Variants in DLG2 observed in about 807,000 individuals in gnomAD.
DLG2 encodes the protein discs large MAGUK scaffold protein 2.
Under a neutral mutation model 132.5 loss-of-function variants are expected in DLG2, and 45 were observed. That is an observed-to-expected ratio of 0.34 (90% confidence interval 0.27 to 0.44). The LOEUF (loss-of-function observed/expected upper bound fraction) is 0.44. Among genes scored for constraint, DLG2 ranks in the 20% least tolerant of loss-of-function variants. The pLI is 1.00. For missense variants in DLG2, 1,045 were observed against 1,196.9 expected (o/e 0.87, Z 1.87); for synonymous variants, 424 against 419.6 (o/e 1.01, Z -0.13).
chr11:83,695,017 T>C (rs2081636784), intron 18 of DLG2, among the ~76,000 whole-genome samples: 1 of 152,232 alleles, frequency 6.6e-6, no homozygotes, highest in African/African-American at 2.4e-5. Context: ...TGCTACGAAA[T>C]ATTTGTTCAC....
At chr11:83,647,176 G>A (rs906551940) in intron 18 of DLG2, 3 of 150,032 alleles carry the variant, frequency 2.0e-5, no homozygotes, top group Non-Finnish European at 4.4e-5. Context: ...TCTATGCCAA[G>A]TCAGTTTCCC....
intron 15 of DLG2, among the ~76,000 whole-genome samples, chr11:83,878,400 T>G (rs943207531): frequency 5.9e-5 from 9 of 152,158 alleles, no homozygotes; most frequent in African/African-American, 2.2e-4. Context: ...ATCCCCATTT[T>G]CAAGGGAAAA....
At position 85,319,170 on chromosome 11, in the gene DLG2, C is replaced by T. The variant is rs977536875; in HGVS notation, c.41-33805G>A. On this transcript the variant is annotated intron_variant, in intron 3 of 27. Coordinates refer to ENST00000376104, the MANE Select transcript of DLG2 (RefSeq NM_001142699.3). ...AATTTCTTTAAGCCCAAAATGAAAC[C>T]ATATAATATGCTATTTCTTAACAGT... 2.6e-5 allele frequency among the ~76,000 whole-genome samples: 4 copies of T among 151,728 alleles called. No homozygotes were observed. In the East Asian group the frequency reaches 7.7e-4, roughly 29 times the overall value.
rs1053239948 is a variant in DLG2, at chr11:84,779,197, C to T, written c.358-244466G>A. On this transcript the variant is annotated intron_variant, in intron 6 of 27. Transcript: ENST00000376104. Reference sequence around the variant, plus strand: ...TTTCTCATATATATATATGTGCGCACACACACACACACACACATATATATG... The same window carrying T: ...TTTCTCATATATATATATGTGCGCATACACACACACACACACATATATATG... Among the ~76,000 whole-genome samples, 4 of 77,058 alleles carry T rather than the reference C, an allele frequency of 5.2e-5. No individual in the cohort carries two copies. The East Asian group carries it at 6.2e-4, about 12-fold the overall frequency. 50.6% of individuals were successfully genotyped at this position (77,058 alleles called of 152,430 possible). A position where few individuals can be genotyped will look rare whatever the true frequency, so the allele number is the denominator to read the frequency against.
intron 6 of DLG2, among the ~76,000 whole-genome samples, chr11:84,741,267 C>T (rs1007802562): frequency 5.3e-5 from 8 of 151,558 alleles, no homozygotes; most frequent in African/African-American, 1.5e-4. Context: ...GGGGTTTCAC[C>T]GTGGTCTCGA....
At chr11:83,973,350 G>C (rs34272592) in intron 12 of DLG2, among the ~76,000 whole-genome samples, 6,619 of 152,054 alleles carry the variant, frequency 0.044, 199 homozygotes, top group Non-Finnish European at 0.067. Context: ...GCAATAGGAG[G>C]TTCTAACCCT....
At chr11:84,567,531 A>G (rs1361607089) in intron 6 of DLG2, among the ~76,000 whole-genome samples, 2 of 152,032 alleles carry the variant, frequency 1.3e-5, no homozygotes, top group Non-Finnish European at 2.9e-5. Context: ...TCCAACAATT[A>G]GGCTGAAATA....
At chr11:84,921,784 AGAT>A (rs2092768182) in intron 6 of DLG2, among the ~76,000 whole-genome samples, 3 of 152,204 alleles carry the variant, frequency 2.0e-5, no homozygotes, top group Admixed American at 6.5e-5. Context: ...TTGGAACAGA[AGAT>A]GATAATAGAG....
chr11:85,176,448 T>C (rs1566970118), intron 4 of DLG2, among the ~76,000 whole-genome samples: 1 of 152,088 alleles, frequency 6.6e-6, no homozygotes, highest in East Asian at 1.9e-4. Flanking sequence ...CCTTACACAA[T>C]ATACAAATTT....
At chr11:83,958,791 T>A (rs1332058850) in intron 14 of DLG2, among the ~76,000 whole-genome samples, 2 of 152,106 alleles carry the variant, frequency 1.3e-5, no homozygotes, top group Non-Finnish European at 2.9e-5. Context: ...TGATTGAAGA[T>A]AGTTTTTCAT....
intron 6 of DLG2, among the ~76,000 whole-genome samples, chr11:84,781,813 G>C (rs756365285): frequency 1.3e-5 from 2 of 152,136 alleles, no homozygotes; most frequent in Non-Finnish European, 2.9e-5. Flanking sequence ...CATGTCCTCA[G>C]TGCTGAACAA....
Position 83,541,870 on chromosome 11 carries a change from G to A in DLG2, c.1941-12C>T. 4 of 1,580,544 alleles carry A rather than the reference G, an allele frequency of 2.5e-6. No homozygotes were observed. The South Asian group carries it at 3.5e-5, about 14-fold the overall frequency. On this transcript the variant is annotated splice_polypyrimidine_tract_variant and intron_variant, in intron 19 of 27. Transcript: ENST00000376104. ...AGTCGAACATGGCTCTGGAGGAAAG[G>A]ACAAAAGAGGACATTGTTAGGAATC...
chr11:84,745,639 G>A (rs1412693483), intron 6 of DLG2, among the ~76,000 whole-genome samples: 1 of 152,052 alleles, frequency 6.6e-6, no homozygotes, highest in African/African-American at 2.4e-5. Flanking sequence ...ATAAAAGGCG[G>A]GATAGCTCCT....
intron 7 of DLG2, among the ~76,000 whole-genome samples, chr11:84,375,786 C>T (rs1171115477): frequency 6.6e-6 from 1 of 151,934 alleles, no homozygotes; most frequent in African/African-American, 2.4e-5. Context: ...TATACATTTG[C>T]TTTTCCATTA....
At chr11:84,350,916 C>A (rs1475872273) in intron 7 of DLG2, among the ~76,000 whole-genome samples, 1 of 152,112 alleles carries the variant, frequency 6.6e-6, no homozygotes, top group Admixed American at 6.5e-5. Context: ...CAGACCAAAT[C>A]AATGTTTTCC....
chr11:84,488,751 AG>A (rs932813873), intron 7 of DLG2, among the ~76,000 whole-genome samples: 11 of 152,148 alleles, frequency 7.2e-5, no homozygotes, highest in Non-Finnish European at 1.2e-4. Context: ...TACGAGGTGA[AG>A]AAAGATGACT....
chr11:85,004,247 G>A (rs2058451955), intron 6 of DLG2, among the ~76,000 whole-genome samples: 1 of 152,198 alleles, frequency 6.6e-6, no homozygotes. Context: ...TAATGGGATT[G>A]CTGAGGCAAA....
chr11:84,722,946 A>C (rs1364468012), intron 6 of DLG2, among the ~76,000 whole-genome samples: 2 of 152,172 alleles, frequency 1.3e-5, no homozygotes, highest in Non-Finnish European at 1.5e-5. Context: ...ACATTTTAGG[A>C]GCAAAACTCT....
At chr11:84,185,114 A>G (rs1201542606) in intron 8 of DLG2, among the ~76,000 whole-genome samples, 1 of 152,072 alleles carries the variant, frequency 6.6e-6, no homozygotes, top group Admixed American at 6.5e-5. Flanking sequence ...GAAGAAAGTC[A>G]TTGGTAGCTT....
Sources: gnomAD v4.1 joint callset for allele counts (sites outside exome capture counted in the v4.1 genomes callset) on GRCh38, gnomAD v4.1.1 for gene constraint, MANE v1.5 for transcripts, NCBI Gene and HGNC (gene_info 2026-07-23, HGNC 2026-07-21) for gene names.